Variants in ARRDC5 observed in about 807,000 individuals in gnomAD.
ARRDC5 encodes arrestin domain-containing protein 5.
In ARRDC5, 12 loss-of-function variants were observed where a neutral mutation model predicts 13.3. The observed-to-expected ratio is 0.90, with a 90% CI of 0.58 to 1.46. The LOEUF (loss-of-function observed/expected upper bound fraction) is 1.46, where lower values mean the gene tolerates loss of function less well. Ranked by LOEUF, ARRDC5 falls within the 40% of genes most tolerant of loss-of-function variation. The probability of loss-of-function intolerance (pLI) is 0.00; values close to 1 mark genes in which losing one functional copy is unlikely to be tolerated. For missense variants in ARRDC5, 406 were observed against 418.7 expected, an observed-to-expected ratio of 0.97 and a Z score of 0.26; for synonymous variants, 181 against 173.4, an observed-to-expected ratio of 1.04 and a Z score of -0.34.
chr19:4,894,153 G>T (rs1208520964), intron 2 of ARRDC5, among the ~76,000 whole-genome samples: 3 of 151,822 alleles, frequency 2.0e-5, no homozygotes, highest in African/African-American at 7.3e-5. Flanking sequence ...GATGCGGGTG[G>T]ATCACGAGGT....
At chr19:4,896,529 T>TG in intron 2 of ARRDC5, 142 bp downstream of exon 2, 2 of 634,058 alleles carry the variant, frequency 3.2e-6, no homozygotes, top group Non-Finnish European at 5.6e-6. Context: ...ACTCACCTTT[T>TG]GTGAAATCTC....
intron 1 of ARRDC5, among the ~76,000 whole-genome samples, chr19:4,898,105 T>C (rs1173514149): frequency 2.6e-5 from 4 of 151,774 alleles, no homozygotes; most frequent in Non-Finnish European, 4.4e-5. Context: ...AATAAATAAA[T>C]AAACAAAGTA....
intron 1 of ARRDC5, among the ~76,000 whole-genome samples, chr19:4,899,089 C>T (rs993697955): frequency 3.4e-4 from 51 of 148,314 alleles, no homozygotes; most frequent in Non-Finnish European, 6.0e-4. Flanking sequence ...GCGGGCAGAT[C>T]ACGAGGTCAG....
rs1236229834 is a variant in ARRDC5, at chr19:4,897,860, G to T, written c.254-984C>A. On this transcript the variant is annotated intron_variant, in intron 1 of 2. Transcript: ENST00000650722. ...CCAGCACTTTGGGAGGCCAAGGCGG[G>T]CGGATCACCTGAGGTCAGGAGTTTG... 2.6e-5 allele frequency among the ~76,000 whole-genome samples: 4 copies of T among 152,236 alleles called. No homozygotes were observed. In the East Asian group the frequency reaches 5.8e-4, roughly 22 times the overall value.
chr19:4,914,983 C>T, the ARRDC5 span, among the ~76,000 whole-genome samples: 6 of 152,324 alleles, frequency 3.9e-5, no homozygotes, highest in East Asian at 3.9e-4. Context: ...TGGCTGGGAC[C>T]GTCCTGGGCA....
At chr19:4,915,294 A>T in the ARRDC5 span, among the ~76,000 whole-genome samples, 1 of 152,166 alleles carries the variant, frequency 6.6e-6, no homozygotes, top group Non-Finnish European at 1.5e-5. Flanking sequence ...CTCCCCCAGG[A>T]TGGCTCCCTG....
At chr19:4,894,910 C>G (rs1166333952) in intron 2 of ARRDC5, among the ~76,000 whole-genome samples, 1 of 152,088 alleles carries the variant, frequency 6.6e-6, no homozygotes, top group Non-Finnish European at 1.5e-5. Context: ...GCTCCCCCTC[C>G]TCTCCTGAAG....
chr19:4,896,354 T>A lies in ARRDC5; in HGVS notation c.459+317A>T, dbSNP rs930144073. 4.7e-3 allele frequency among the ~76,000 whole-genome samples: 456 copies of A among 97,698 alleles called. 15 individuals carry two copies. The highest frequency in any genetic ancestry group is 0.01 in the Middle Eastern group (2 of 192). The allele number at this position is 97,698 out of a possible 152,430, so 64.1% of individuals were successfully genotyped here. On this transcript the variant is annotated intron_variant, in intron 2 of 2. Coordinates refer to ENST00000650722, the MANE Select transcript of ARRDC5 (RefSeq NM_001080523.3). Reference sequence around the variant, plus strand: ...AATATATATATATATATATATTTTTTTTTTTTTACACACACACACACACAC... The same window carrying A: ...AATATATATATATATATATATTTTTATTTTTTTACACACACACACACACAC...
At chr19:4,896,337 T>C (rs2031716501) in intron 2 of ARRDC5, among the ~76,000 whole-genome samples, 2 of 81,594 alleles carry the variant, frequency 2.5e-5, no homozygotes, top group Non-Finnish European at 4.4e-5. Context: ...AAAATATATA[T>C]ATATATATAT....
chr19:4,902,556 G>A lies in ARRDC5; in HGVS notation c.253+17C>T. On this transcript the variant is annotated intron_variant, in intron 1 of 2. Transcript: ENST00000650722. ...GTTCCTGTCATGGCTAGGGGTGGCTGTTGGCCTCGTCCTTACCCTCCACTG... is the reference window on the plus strand; with the variant it reads ...GTTCCTGTCATGGCTAGGGGTGGCTATTGGCCTCGTCCTTACCCTCCACTG... The A allele has an allele frequency of 1.2e-6, 2 of 1,610,818 alleles. No individual in the cohort carries two copies. Among genetic ancestry groups the A allele is most frequent in the South Asian group, 1.1e-5 (1 of 91,050 alleles).
intron 2 of ARRDC5, among the ~76,000 whole-genome samples, chr19:4,896,382 A>G (rs2031732364): frequency 8.0e-6 from 1 of 125,276 alleles, no homozygotes; most frequent in South Asian, 2.6e-4. Context: ...ACACACACAC[A>G]CACACACACA....
intron 2 of ARRDC5, among the ~76,000 whole-genome samples, chr19:4,893,008 C>T (rs988584368): frequency 6.7e-5 from 10 of 149,718 alleles, no homozygotes; most frequent in African/African-American, 9.9e-5. Context: ...GAGGCTGAGG[C>T]GGGAGAATTG....
chr19:4,915,218 G>A, the ARRDC5 span, among the ~76,000 whole-genome samples: 3 of 152,224 alleles, frequency 2.0e-5, no homozygotes, highest in African/African-American at 7.2e-5. Context: ...CCCCCTTGCA[G>A]AGACCTGCCC....
intron 2 of ARRDC5, among the ~76,000 whole-genome samples, chr19:4,891,974 T>TG (rs1305434176): frequency 6.7e-6 from 1 of 149,566 alleles, no homozygotes; most frequent in Non-Finnish European, 1.5e-5. Flanking sequence ...AAAAAGTCTC[T>TG]GGGGCTTTGG....
the ARRDC5 span, chr19:4,910,007 G>A: frequency 5.4e-6 from 1 of 185,470 alleles, no homozygotes; most frequent in South Asian, 1.8e-4. Context: ...GAGTTCCCCG[G>A]GAGCATCTGG....
chr19:4,896,546 T>C, intron 2 of ARRDC5, 125 bp downstream of exon 2: 1 of 692,366 alleles, frequency 1.4e-6, no homozygotes, highest in Non-Finnish European at 2.5e-6. Context: ...TCTCGGGGCC[T>C]GGGAAGCTGC....
At chr19:4,904,967 G>T (rs889863740), upstream of ARRDC5, among the ~76,000 whole-genome samples, 5 of 152,164 alleles carry the variant, frequency 3.3e-5, no homozygotes, top group African/African-American at 1.2e-4. Flanking sequence ...TCTTGTCTTG[G>T]CTGTATCTTG....
intron 2 of ARRDC5, among the ~76,000 whole-genome samples, chr19:4,896,304 A>ACT (rs1197460748): frequency 8.6e-6 from 1 of 115,900 alleles, no homozygotes; most frequent in African/African-American, 3.2e-5. Context: ...ACAGAGCGAG[A>ACT]CTGCATCTCA....
At chr19:4,909,878 C>G in the ARRDC5 span, 2 of 374,426 alleles carry the variant, frequency 5.3e-6, no homozygotes, top group Non-Finnish European at 9.5e-6. Context: ...GGCGGGGGGT[C>G]GAGCGCGCCG....
Sources: gnomAD v4.1 joint callset for allele counts (sites outside exome capture counted in the v4.1 genomes callset) on GRCh38, gnomAD v4.1.1 for gene constraint, MANE v1.5 for transcripts, NCBI Gene and HGNC (gene_info 2026-07-23, HGNC 2026-07-21) for gene names.